Variants in MAGI2 observed in about 807,000 individuals in gnomAD.
MAGI2 encodes membrane associated guanylate kinase, WW and PDZ domain containing 2.
Under a neutral mutation model 133.3 loss-of-function variants are expected in MAGI2, and 35 were observed. That is an observed-to-expected ratio of 0.26 (90% CI 0.20 to 0.35). MAGI2 has a LOEUF of 0.35. MAGI2 is among the 10% of genes least tolerant of loss of function. The pLI, the probability that MAGI2 is intolerant of heterozygous loss-of-function variation, is 1.00. For synonymous variants in MAGI2, 729 were observed against 710.6 expected (o/e 1.03, Z -0.41); for missense variants, 1,636 against 1,863.4 (o/e 0.88, Z 2.25).
At chr7:78,829,547 A>G (rs1055590131) in intron 2 of MAGI2, among the ~76,000 whole-genome samples, 4 of 152,030 alleles carry the variant, frequency 2.6e-5, no homozygotes, top group African/African-American at 9.7e-5. Flanking sequence ...TATGTATACT[A>G]AATGATTTTA....
At chr7:78,657,761 C>G (rs1812464666) in intron 2 of MAGI2, among the ~76,000 whole-genome samples, 1 of 152,144 alleles carries the variant, frequency 6.6e-6, no homozygotes, top group Non-Finnish European at 1.5e-5. Context: ...TTTGTCCAGA[C>G]TCATAGAATA....
chr7:78,097,679 G>T (rs950725698), intron 20 of MAGI2, among the ~76,000 whole-genome samples: 3 of 152,094 alleles, frequency 2.0e-5, no homozygotes, highest in African/African-American at 7.2e-5. Context: ...GAGGGTGGGA[G>T]GAGGGAGAGG....
At chr7:78,768,820 C>T (rs1825287260) in intron 2 of MAGI2, among the ~76,000 whole-genome samples, 1 of 152,184 alleles carries the variant, frequency 6.6e-6, no homozygotes, top group African/African-American at 2.4e-5. Context: ...ATGCTCCCCT[C>T]TCTAGTGGAT....
intron 21 of MAGI2, among the ~76,000 whole-genome samples, chr7:78,063,382 C>T (rs1317479093): frequency 6.6e-6 from 1 of 152,198 alleles, no homozygotes; most frequent in Non-Finnish European, 1.5e-5. Flanking sequence ...GATGGAACTA[C>T]AGTCATGTGC....
intron 2 of MAGI2, among the ~76,000 whole-genome samples, chr7:78,937,402 T>C (rs117294332): frequency 1.3e-5 from 2 of 151,866 alleles, no homozygotes; most frequent in East Asian, 3.9e-4. Flanking sequence ...AAATCACCAT[T>C]AGGCAAATTA....
At position 79,412,046 on chromosome 7, in the gene MAGI2, A is replaced by T. The variant is rs573598040; in HGVS notation, c.301+40974T>A. 2.6e-5 allele frequency: 4 copies of T among 152,200 alleles called. No homozygotes were observed. The South Asian group carries it at 8.3e-4, about 32-fold the overall frequency. 9.4% of individuals were successfully genotyped at this position (152,200 alleles called of 1,614,324 possible). A position where few individuals can be genotyped will look rare whatever the true frequency, so the allele number is the denominator to read the frequency against. ...TAAACATTTACTTTTAAAATAAAAG[A>T]TTTCATCACTTTTTCATTCTGGAAA... On this transcript the variant is annotated intron_variant, in intron 1 of 21. Coordinates refer to ENST00000354212, the MANE Select transcript of MAGI2 (RefSeq NM_012301.4).
intron 1 of MAGI2, among the ~76,000 whole-genome samples, chr7:79,392,050 T>C (rs1004339624): frequency 6.6e-5 from 10 of 152,220 alleles, no homozygotes; most frequent in African/African-American, 2.4e-4. Flanking sequence ...GATATTCCCT[T>C]CCCTGTTTCC....
At chr7:79,365,408 CA>C (rs74487684) in intron 1 of MAGI2, among the ~76,000 whole-genome samples, 75,935 of 151,924 alleles carry the variant, frequency 0.5, 20,415 homozygotes, top group African/African-American at 0.7. Flanking sequence ...TATGTTCACA[CA>C]AAAAAACTGT....
intron 6 of MAGI2, among the ~76,000 whole-genome samples, chr7:78,406,434 C>G (rs1311398919): frequency 6.6e-6 from 1 of 152,020 alleles, no homozygotes; most frequent in Non-Finnish European, 1.5e-5. Flanking sequence ...AAAAATTAAT[C>G]ACATATTTTC....
At chr7:79,413,694 C>G (rs763198585) in intron 1 of MAGI2, 1 of 140,764 alleles carries the variant, frequency 7.1e-6, no homozygotes, top group Admixed American at 7.0e-5. Flanking sequence ...CAAAGTGGTG[C>G]TGGTCTATAA....
chr7:78,835,390 T>G (rs1791526851), intron 2 of MAGI2, among the ~76,000 whole-genome samples: 1 of 152,204 alleles, frequency 6.6e-6, no homozygotes, highest in Non-Finnish European at 1.5e-5. Flanking sequence ...ATGTAATATG[T>G]GAATATGATT....
At position 78,217,582 on chromosome 7, in the gene MAGI2, T is replaced by C. The variant is rs956878149; in HGVS notation, c.2048-16389A>G. Among the ~76,000 whole-genome samples, 5 of 152,214 alleles carry C rather than the reference T, an allele frequency of 3.3e-5. 1 individual carries two copies. The highest frequency in any genetic ancestry group is 1.2e-4 in the African/African-American group (5 of 41,450). ...GGCAGGAAAGGGATGACTACACATA[T>C]CTTACAGAAGGAAGTAGAGTTCTGA... is the stretch of plus-strand genomic sequence containing the variant. On this transcript the variant is annotated intron_variant, in intron 10 of 21. Transcript: ENST00000354212.
intron 2 of MAGI2, among the ~76,000 whole-genome samples, chr7:79,004,776 AT>A (rs1351069192): frequency 6.6e-6 from 1 of 152,098 alleles, no homozygotes; most frequent in African/African-American, 2.4e-5. Flanking sequence ...GAAGAAAAAA[AT>A]TTTTTTAAAG....
chr7:78,652,681 C>T (rs113118040), intron 2 of MAGI2, among the ~76,000 whole-genome samples: 17 of 152,120 alleles, frequency 1.1e-4, no homozygotes, highest in Middle Eastern at 3.4e-3. Flanking sequence ...CCATGAAAAC[C>T]GTAGAAGAAA....
intron 10 of MAGI2, chr7:78,254,163 C>T (rs892281367): frequency 9.2e-5 from 14 of 152,116 alleles, no homozygotes; most frequent in Non-Finnish European, 1.9e-4. Context: ...AATGGGGTAG[C>T]CAAGCTGATA....
At chr7:78,323,564 T>C (rs1788230583) in intron 9 of MAGI2, among the ~76,000 whole-genome samples, 1 of 152,212 alleles carries the variant, frequency 6.6e-6, no homozygotes, top group Admixed American at 6.5e-5. Flanking sequence ...TCCTGCTTCA[T>C]TGCCTTGGAA....
chr7:79,335,935 A>G (rs1840407439), intron 1 of MAGI2, among the ~76,000 whole-genome samples: 1 of 152,046 alleles, frequency 6.6e-6, no homozygotes, highest in African/African-American at 2.4e-5. Flanking sequence ...CAAACTGCAA[A>G]CACCTCTTAT....
intron 1 of MAGI2, among the ~76,000 whole-genome samples, chr7:79,199,543 A>G (rs1444060725): frequency 2.6e-4 from 39 of 152,056 alleles, no homozygotes; most frequent in Admixed American, 2.5e-3. Context: ...TCAAAGCTAG[A>G]GATTTTCTAA....
intron 2 of MAGI2, among the ~76,000 whole-genome samples, chr7:78,970,241 T>C (rs2115961321): frequency 6.6e-6 from 1 of 152,238 alleles, no homozygotes; most frequent in African/African-American, 2.4e-5. Flanking sequence ...TATTTATAAG[T>C]GACAGATACT....
Sources: allele counts gnomAD v4.1 joint callset (sites outside exome capture counted in the v4.1 genomes callset), GRCh38; gene constraint gnomAD v4.1.1; transcripts MANE v1.5; gene names NCBI Gene and HGNC (gene_info 2026-07-23, HGNC 2026-07-21).